The following NRXN3 variants were observed in gnomAD, a reference collection of about 807,000 sequenced individuals.
NRXN3 encodes the protein neurexin III.
A neutral mutation model predicts 137.6 loss-of-function variants in NRXN3; 32 were observed. The observed-to-expected ratio is 0.23, with a 90% CI of 0.18 to 0.31. The LOEUF is 0.31. Among genes scored for constraint, NRXN3 ranks in the 10% least tolerant of loss-of-function variants. The probability of loss-of-function intolerance (pLI) is 1.00; values close to 1 mark genes in which losing one functional copy is unlikely to be tolerated. For synonymous variants in NRXN3, 798 were observed against 784.5 expected, an observed-to-expected ratio of 1.02 and a Z score of -0.29; for missense variants, 1,574 against 2,062.5, an observed-to-expected ratio of 0.76 and a Z score of 4.59.
chr14:78,611,484 T>C (rs1435261992), intron 4 of NRXN3, among the ~76,000 whole-genome samples: 1 of 152,010 alleles, frequency 6.6e-6, no homozygotes, highest in Non-Finnish European at 1.5e-5. Context: ...CATACATATA[T>C]AATGCAATTA....
intron 15 of NRXN3, among the ~76,000 whole-genome samples, chr14:79,177,645 A>C (rs1309803678): frequency 6.6e-6 from 1 of 152,214 alleles, no homozygotes; most frequent in East Asian, 1.9e-4. Context: ...GGGGAAAAGA[A>C]ACTCTTACAG....
intron 16 of NRXN3, among the ~76,000 whole-genome samples, chr14:79,479,956 G>A (rs1405393393): frequency 2.0e-5 from 3 of 152,060 alleles, no homozygotes; most frequent in African/African-American, 4.8e-5. Flanking sequence ...CTCATCTTTC[G>A]GTGTATGATA....
chr14:79,824,480 A>G (rs1348445111), intron 20 of NRXN3, among the ~76,000 whole-genome samples: 1 of 152,072 alleles, frequency 6.6e-6, no homozygotes, highest in East Asian at 1.9e-4. Flanking sequence ...GTTGTTTTCC[A>G]TATCTTTACC....
intron 15 of NRXN3, among the ~76,000 whole-genome samples, chr14:79,336,379 G>A (rs991356769): frequency 3.9e-5 from 6 of 152,088 alleles, no homozygotes; most frequent in East Asian, 1.9e-4. Context: ...AAAGAAAACC[G>A]GGCACTGAGT....
At chr14:78,347,556 A>G (rs2082921380) in intron 4 of NRXN3, among the ~76,000 whole-genome samples, 1 of 152,164 alleles carries the variant, frequency 6.6e-6, no homozygotes. Flanking sequence ...TCCAGATAGC[A>G]AAAGGTAAGG....
chr14:79,722,967 G>T (rs975201679), intron 19 of NRXN3, among the ~76,000 whole-genome samples: 3 of 152,018 alleles, frequency 2.0e-5, no homozygotes, highest in Non-Finnish European at 4.4e-5. Context: ...AATGCACTTC[G>T]TTGTCCCGAA....
intron 2 of NRXN3, among the ~76,000 whole-genome samples, chr14:78,263,140 A>G (rs1233940754): frequency 6.6e-6 from 1 of 152,064 alleles, no homozygotes; most frequent in Non-Finnish European, 1.5e-5. Flanking sequence ...ATAAAGTGTC[A>G]GTTTTTAGTT....
intron 15 of NRXN3, among the ~76,000 whole-genome samples, chr14:79,131,760 A>G (rs1023364541): frequency 6.6e-6 from 1 of 152,014 alleles, no homozygotes; most frequent in Non-Finnish European, 1.5e-5. Context: ...GGCAATGGCG[A>G]GTGCCCCTCC....
chr14:78,823,814 T>G (rs2098958209), intron 10 of NRXN3, among the ~76,000 whole-genome samples: 1 of 152,038 alleles, frequency 6.6e-6, no homozygotes. Context: ...TTGAGCTTCA[T>G]GCCTCTTCAT....
intron 4 of NRXN3, among the ~76,000 whole-genome samples, chr14:78,444,380 C>T (rs1281760829): frequency 6.6e-6 from 1 of 152,102 alleles, no homozygotes; most frequent in Non-Finnish European, 1.5e-5. Context: ...ATGCGGCTTT[C>T]CTCGGAGTCC....
At chr14:78,332,782 A>C (rs1178903072) in intron 4 of NRXN3, among the ~76,000 whole-genome samples, 1 of 151,864 alleles carries the variant, frequency 6.6e-6, no homozygotes, top group African/African-American at 2.4e-5. Context: ...ATCTAATGAT[A>C]GAATTCTAGT....
At chr14:78,283,138 G>A (rs1387568335) in intron 3 of NRXN3, 1 of 152,230 alleles carries the variant, frequency 6.6e-6, no homozygotes, top group Admixed American at 6.5e-5. Flanking sequence ...TTGTGGGGAG[G>A]AAGAAGAAGA....
At chr14:79,552,450 T>G (rs1005403935) in intron 16 of NRXN3, among the ~76,000 whole-genome samples, 2 of 152,038 alleles carry the variant, frequency 1.3e-5, no homozygotes, top group Non-Finnish European at 2.9e-5. Context: ...GCTAATAGGG[T>G]GTGTAGGGAT....
At chr14:78,274,022 A>G (rs2073198288) in intron 2 of NRXN3, among the ~76,000 whole-genome samples, 1 of 152,194 alleles carries the variant, frequency 6.6e-6, no homozygotes, top group Admixed American at 6.5e-5. Flanking sequence ...GCTCTTCCAG[A>G]GGCATGGGGG....
At chr14:78,645,575 C>A in intron 5 of NRXN3, 154 bp downstream of exon 5, 1 of 527,124 alleles carries the variant, frequency 1.9e-6, no homozygotes, top group Non-Finnish European at 3.2e-6. Flanking sequence ...TGCAATTTCA[C>A]GTGGAAAATT....
chr14:78,646,995 C>T (rs765275300), intron 5 of NRXN3, among the ~76,000 whole-genome samples: 2 of 152,176 alleles, frequency 1.3e-5, no homozygotes, highest in Non-Finnish European at 2.9e-5. Flanking sequence ...ACGCTTTAGG[C>T]ATTAATCAGT....
intron 15 of NRXN3, among the ~76,000 whole-genome samples, chr14:79,387,111 TTAAAC>T (rs1374998675): frequency 1.3e-5 from 2 of 152,022 alleles, no homozygotes; most frequent in African/African-American, 4.8e-5. Flanking sequence ...TGGGATCTAA[TTAAAC>T]TAAAGAGCTT....
intron 16 of NRXN3, among the ~76,000 whole-genome samples, chr14:79,611,117 C>T (rs2098093155): frequency 6.6e-6 from 1 of 152,152 alleles, no homozygotes; most frequent in Non-Finnish European, 1.5e-5. Flanking sequence ...CTAGTAGTAA[C>T]TATATTTTTC....
At position 79,865,708 on chromosome 14, in the gene NRXN3, C is replaced by T. The variant is rs1377722861; in HGVS notation, c.*3744C>T. 6.6e-6 allele frequency: 1 copy of T among 152,212 alleles called. No homozygotes were observed. Among genetic ancestry groups the T allele is most frequent in the Non-Finnish European group, 1.5e-5 (1 of 68,048 alleles). The allele number at this position is 152,212 out of a possible 1,614,324, so 9.4% of individuals were successfully genotyped here. On this transcript the variant is annotated 3_prime_UTR_variant, in exon 21 of 21. Coordinates refer to ENST00000335750, the MANE Select transcript of NRXN3 (RefSeq NM_001330195.2). ...TGGCATGATATTGGCTCACTGCAAC[C>T]TCTGCCTCTCAACCTCAAACGATTC...
Sources: gnomAD v4.1 joint callset for allele counts (sites outside exome capture counted in the v4.1 genomes callset) on GRCh38, gnomAD v4.1.1 for gene constraint, MANE v1.5 for transcripts, NCBI Gene and HGNC (gene_info 2026-07-23, HGNC 2026-07-21) for gene names.